ASNS: variants seen among roughly 807,000 people sequenced by gnomAD.
The protein encoded by ASNS is asparagine synthetase [glutamine-hydrolyzing].
A neutral mutation model predicts 62.6 loss-of-function variants in ASNS; 37 were observed. That is an observed-to-expected ratio of 0.59 (90% CI 0.45 to 0.78). The LOEUF (loss-of-function observed/expected upper bound fraction) is 0.78, where lower values mean the gene tolerates loss of function less well. ASNS is among the 30% of genes least tolerant of loss of function. The probability of loss-of-function intolerance (pLI) is 0.00; values close to 1 mark genes in which losing one functional copy is unlikely to be tolerated. For synonymous variants in ASNS, 207 were observed against 237.9 expected, an observed-to-expected ratio of 0.87 and a Z score of 1.19; for missense variants, 520 against 682.4, an observed-to-expected ratio of 0.76 and a Z score of 2.65.
chr7:97,868,281 C>A lies in ASNS; in HGVS notation c.249+627G>T, dbSNP rs1251307030. ...CGAGATCGCACCACTGCACTCCAGC[C>A]TGGGTGACAGAATGAGACTCTGTCT... On this transcript the variant is annotated intron_variant, in intron 3 of 12. Coordinates refer to ENST00000394308, the MANE Select transcript of ASNS (RefSeq NM_001673.5). Among the ~76,000 whole-genome samples, 6 of 152,124 alleles carry A rather than the reference C, an allele frequency of 3.9e-5. No homozygotes were observed. The South Asian group carries it at 1.2e-3, about 32-fold the overall frequency.
the ASNS span, among the ~76,000 whole-genome samples, chr7:97,917,700 C>T: frequency 2.0e-5 from 3 of 152,202 alleles, no homozygotes; most frequent in African/African-American, 7.2e-5. Context: ...AGTCTCTGAC[C>T]CTGACACTCA....
intron 4 of ASNS, 57 bp from the exon 5 acceptor site, chr7:97,859,455 C>T: frequency 6.7e-7 from 1 of 1,501,148 alleles, no homozygotes; most frequent in Non-Finnish European, 9.0e-7. Context: ...CAATAACTTT[C>T]ACGATTAGTT....
chr7:97,926,268 G>T, the ASNS span, among the ~76,000 whole-genome samples: 2 of 152,048 alleles, frequency 1.3e-5, 1 homozygote, highest in South Asian at 4.1e-4. Flanking sequence ...GCCTGGTGAT[G>T]AGAAAGAACA....
At chr7:97,854,508 T>G in intron 10 of ASNS, 72 bp downstream of exon 10, 1 of 1,560,512 alleles carries the variant, frequency 6.4e-7, no homozygotes, top group Non-Finnish European at 8.7e-7. Context: ...TCTCAGGGTA[T>G]TGAGCTTTTT....
At chr7:97,895,569 G>A in the ASNS span, among the ~76,000 whole-genome samples, 3 of 152,172 alleles carry the variant, frequency 2.0e-5, no homozygotes, top group Non-Finnish European at 4.4e-5. Context: ...CAAGGTGGAC[G>A]GATCACCTGA....
intron 4 of ASNS, among the ~76,000 whole-genome samples, chr7:97,862,284 T>C (rs999896728): frequency 6.6e-6 from 1 of 152,002 alleles, no homozygotes; most frequent in African/African-American, 2.4e-5. Context: ...TAATAATAAA[T>C]GAGCTATCAA....
At chr7:97,907,524 T>C in the ASNS span, among the ~76,000 whole-genome samples, 2 of 152,132 alleles carry the variant, frequency 1.3e-5, no homozygotes, top group East Asian at 3.9e-4. Flanking sequence ...ATCCCAGCAC[T>C]TTGGGAGCCC....
Position 97,852,078 on chromosome 7 carries a change from A to G in ASNS, c.*181T>C. ...TACTGTGATACAGCAAAACAGTTCT[A>G]GTTACCTCTTATGAAGAGACTGCAT... On this transcript the variant is annotated 3_prime_UTR_variant, in exon 13 of 13. Transcript: ENST00000394308. The G allele has an allele frequency of 1.5e-6, 1 of 659,818 alleles. No homozygotes were observed. 40.9% of individuals were successfully genotyped at this position (659,818 alleles called of 1,614,324 possible).
intron 7 of ASNS, among the ~76,000 whole-genome samples, chr7:97,857,400 T>G (rs1011726433): frequency 7.2e-5 from 11 of 152,104 alleles, no homozygotes; most frequent in African/African-American, 2.7e-4. Flanking sequence ...AATACAGTAC[T>G]TTCAAAAATA....
chr7:97,915,567 A>G, the ASNS span, among the ~76,000 whole-genome samples: 1 of 152,184 alleles, frequency 6.6e-6, no homozygotes, highest in Non-Finnish European at 1.5e-5. Flanking sequence ...GCTAGTGTCT[A>G]CCACAGAGAG....
chr7:97,877,082 A>G (rs1277049399), upstream of ASNS, among the ~76,000 whole-genome samples: 27 of 142,610 alleles, frequency 1.9e-4, no homozygotes. Flanking sequence ...GGTCAAAAGT[A>G]TTCATTTAAC....
the ASNS span, among the ~76,000 whole-genome samples, chr7:97,916,436 G>C: frequency 1.3e-5 from 2 of 152,106 alleles, no homozygotes; most frequent in Non-Finnish European, 2.9e-5. Context: ...GGGGAGAAAA[G>C]GTTTTCTTCC....
intron 10 of ASNS, among the ~76,000 whole-genome samples, chr7:97,854,295 T>C (rs954772375): frequency 2.0e-5 from 3 of 152,226 alleles, no homozygotes; most frequent in Admixed American, 6.5e-5. Flanking sequence ...AGAATGTTGT[T>C]ACCCTTTAAA....
chr7:97,926,576 G>C, the ASNS span, among the ~76,000 whole-genome samples: 12 of 151,100 alleles, frequency 7.9e-5, no homozygotes, highest in African/African-American at 2.7e-4. Context: ...AAGAGGAATG[G>C]GTCTGGCGGG....
chr7:97,915,983 T>G, the ASNS span, among the ~76,000 whole-genome samples: 1 of 152,180 alleles, frequency 6.6e-6, no homozygotes, highest in African/African-American at 2.4e-5. Context: ...AAGTTCAACC[T>G]GCCTGTAGAC....
the ASNS span, among the ~76,000 whole-genome samples, chr7:97,901,677 A>G: frequency 1.7e-3 from 254 of 152,246 alleles, 8 homozygotes; most frequent in South Asian, 0.05. Flanking sequence ...CTCTATCTCA[A>G]CTCAAACCTT....
At chr7:97,871,423 T>C (rs1042945795) in intron 1 of ASNS, among the ~76,000 whole-genome samples, 25 of 152,138 alleles carry the variant, frequency 1.6e-4, no homozygotes, top group African/African-American at 5.8e-4. Context: ...TCTCAGTAAG[T>C]AACCAACTAC....
the ASNS span, among the ~76,000 whole-genome samples, chr7:97,917,626 G>A: frequency 6.6e-6 from 1 of 152,188 alleles, no homozygotes; most frequent in Non-Finnish European, 1.5e-5. Context: ...TCATCTCAAG[G>A]GCCACTGGCT....
Position 97,858,315 on chromosome 7 carries a change from C to T in ASNS, c.866G>A (p.Gly289Asp), listed in dbSNP as rs369633015. The change falls in exon 7 of 13, where the codon GGC becomes GAC. Residue 289 changes from glycine (G) to aspartate (D), a missense_variant. Gly to Asp is a moderately conservative substitution (Grantham distance 94). Coordinates refer to ENST00000394308, the MANE Select transcript of ASNS (RefSeq NM_001673.5). ...CAGTAAATCGGGGCTGTCTTCCATGCCAATTGCAAATGTCTGGAGAGGATA... is the reference window on the plus strand; with the variant it reads ...CAGTAAATCGGGGCTGTCTTCCATGTCAATTGCAAATGTCTGGAGAGGATA... ...VQYPLQTFAIGMEDSPDLLAA... is the reference protein window; with the variant it reads ...VQYPLQTFAIDMEDSPDLLAA... The T allele has an allele frequency of 6.2e-7, 1 of 1,613,654 alleles. No homozygotes were observed. The highest frequency in any genetic ancestry group is 1.3e-5 in the African/African-American group (1 of 74,902).
Sources: gnomAD v4.1 joint callset for allele counts (sites outside exome capture counted in the v4.1 genomes callset) on GRCh38, gnomAD v4.1.1 for gene constraint, MANE v1.5 for transcripts, NCBI Gene and HGNC (gene_info 2026-07-23, HGNC 2026-07-21) for gene names.